RANBP17: variants seen among roughly 807,000 people sequenced by gnomAD.
RANBP17 encodes RAN binding protein 17.
Under a neutral mutation model 141.2 loss-of-function variants are expected in RANBP17, and 158 were observed. That is an observed-to-expected ratio of 1.12 (90% CI 0.98 to 1.28). The LOEUF is 1.28. Ranked by LOEUF, RANBP17 falls within the 50% of genes most tolerant of loss-of-function variation. The pLI, the probability that RANBP17 is intolerant of heterozygous loss-of-function variation, is 0.00. For missense variants in RANBP17, 1,438 were observed against 1,290.7 expected, an observed-to-expected ratio of 1.11 and a Z score of -1.75; for synonymous variants, 430 against 450.0, an observed-to-expected ratio of 0.96 and a Z score of 0.56.
intron 3 of RANBP17, among the ~76,000 whole-genome samples, chr5:170,885,965 C>T (rs1483846004): frequency 6.6e-6 from 1 of 151,470 alleles, no homozygotes; most frequent in Non-Finnish European, 1.5e-5. Flanking sequence ...AACATCTGGA[C>T]AGAGCTTCCT....
intron 22 of RANBP17, among the ~76,000 whole-genome samples, chr5:171,224,514 G>A (rs754455185): frequency 2.6e-5 from 4 of 152,194 alleles, no homozygotes; most frequent in Non-Finnish European, 5.9e-5. Context: ...ACAGAATAAT[G>A]CCAAATCTAT....
At chr5:171,140,670 G>A (rs77694049) in intron 14 of RANBP17, among the ~76,000 whole-genome samples, 7,629 of 152,270 alleles carry the variant, frequency 0.05, 240 homozygotes, top group East Asian at 0.12. Context: ...GCACAATGGA[G>A]CATTTTGCAG....
intron 14 of RANBP17, among the ~76,000 whole-genome samples, chr5:171,140,695 A>C (rs1035630792): frequency 6.6e-6 from 1 of 152,204 alleles, no homozygotes; most frequent in Non-Finnish European, 1.5e-5. Context: ...GGAAACTTTT[A>C]TTGTGGTGGT....
chr5:171,258,592 A>T (rs972776475), intron 24 of RANBP17, among the ~76,000 whole-genome samples: 2 of 152,156 alleles, frequency 1.3e-5, no homozygotes, highest in Non-Finnish European at 2.9e-5. Context: ...CTTACAGCCA[A>T]CCGATCTTCA....
chr5:171,108,616 A>G (rs1755010964), intron 14 of RANBP17, among the ~76,000 whole-genome samples: 1 of 151,964 alleles, frequency 6.6e-6, no homozygotes, highest in African/African-American at 2.4e-5. Context: ...ACTCCGTATG[A>G]TGTCCAGCTG....
At chr5:171,015,117 T>G (rs190052482) in intron 14 of RANBP17, among the ~76,000 whole-genome samples, 72 of 152,262 alleles carry the variant, frequency 4.7e-4, no homozygotes, top group African/African-American at 1.7e-3. Context: ...TTAAGCAATT[T>G]GATTATTGTG....
intron 14 of RANBP17, among the ~76,000 whole-genome samples, chr5:170,989,737 C>G (rs556780211): frequency 3.3e-5 from 5 of 151,792 alleles, no homozygotes; most frequent in African/African-American, 1.2e-4. Context: ...CAGATGTATA[C>G]TGGTCTTTGC....
chr5:171,213,262 T>G (rs1763017237), intron 20 of RANBP17, among the ~76,000 whole-genome samples: 1 of 152,238 alleles, frequency 6.6e-6, no homozygotes, highest in Non-Finnish European at 1.5e-5. Context: ...AAATATATTT[T>G]TATCCTCATT....
chr5:171,297,720 T>C lies in RANBP17; in HGVS notation c.3171-1042T>C, dbSNP rs546488301. 7.9e-5 allele frequency among the ~76,000 whole-genome samples: 12 copies of C among 152,192 alleles called. No individual in the cohort carries two copies. The South Asian group carries it at 2.5e-3, about 32-fold the overall frequency. ...CGTCCTGAGCTGCTCTGTGAAATGA[T>C]GGCAGGTGGCCCTCGTAGTTTAATG... On this transcript the variant is annotated intron_variant, in intron 27 of 27. Coordinates refer to ENST00000523189, the MANE Select transcript of RANBP17 (RefSeq NM_022897.5).
chr5:171,258,430 C>A (rs952131735), intron 24 of RANBP17, among the ~76,000 whole-genome samples: 2 of 152,014 alleles, frequency 1.3e-5, no homozygotes, highest in African/African-American at 4.8e-5. Context: ...CCAAAGTAAT[C>A]TTGACCAACC....
chr5:171,296,093 A>C, intron 27 of RANBP17, 79 bp downstream of exon 27: 1 of 1,402,394 alleles, frequency 7.1e-7, no homozygotes, highest in South Asian at 1.3e-5. Context: ...CGTGCTTGAC[A>C]CAGCTCACAC....
intron 22 of RANBP17, among the ~76,000 whole-genome samples, chr5:171,231,780 T>C: frequency 6.6e-6 from 1 of 152,220 alleles, no homozygotes; most frequent in East Asian, 1.9e-4. Flanking sequence ...GTCCCTAACC[T>C]TTATAAACTC....
chr5:171,035,622 G>GC (rs1317509270), intron 14 of RANBP17, among the ~76,000 whole-genome samples: 2 of 150,188 alleles, frequency 1.3e-5, no homozygotes, highest in African/African-American at 4.9e-5. Flanking sequence ...GAACACTGAG[G>GC]CATTTACCCA....
At chr5:171,128,276 A>G (rs1756644197) in intron 14 of RANBP17, among the ~76,000 whole-genome samples, 1 of 152,252 alleles carries the variant, frequency 6.6e-6, no homozygotes, top group Non-Finnish European at 1.5e-5. Context: ...ATGAATGGAT[A>G]AAGAAAATGT....
At chr5:171,181,429 C>T (rs772787694) in intron 16 of RANBP17, among the ~76,000 whole-genome samples, 23 of 150,444 alleles carry the variant, frequency 1.5e-4, no homozygotes, top group African/African-American at 4.9e-4. Context: ...CCAGCCTGGG[C>T]GACAGAGCGA....
At chr5:171,286,764 C>T (rs1389218834) in intron 25 of RANBP17, among the ~76,000 whole-genome samples, 1 of 152,192 alleles carries the variant, frequency 6.6e-6, no homozygotes, top group Non-Finnish European at 1.5e-5. Flanking sequence ...CAGAAACCCC[C>T]TTACTTCCAC....
chr5:171,241,715 A>G (rs558860457), intron 23 of RANBP17, among the ~76,000 whole-genome samples: 4 of 152,226 alleles, frequency 2.6e-5, no homozygotes, highest in Non-Finnish European at 5.9e-5. Context: ...GTTAAAGTCC[A>G]CCAAGACAAC....
intron 12 of RANBP17, among the ~76,000 whole-genome samples, chr5:170,943,025 A>G (rs192931069): frequency 2.7e-4 from 41 of 152,318 alleles, no homozygotes; most frequent in Non-Finnish European, 5.3e-4. Context: ...AGTCTGTAAT[A>G]TAATGCCTAG....
intron 24 of RANBP17, among the ~76,000 whole-genome samples, chr5:171,243,466 A>G (rs1338674434): frequency 6.6e-6 from 1 of 152,224 alleles, no homozygotes. Context: ...TATTTTGAAT[A>G]CAGCTATTAT....
Sources: gnomAD v4.1 joint callset for allele counts (sites outside exome capture counted in the v4.1 genomes callset) on GRCh38, gnomAD v4.1.1 for gene constraint, MANE v1.5 for transcripts, NCBI Gene and HGNC (gene_info 2026-07-23, HGNC 2026-07-21) for gene names.